The following SUSD4 variants were observed in gnomAD, a reference collection of about 807,000 sequenced individuals.
SUSD4 encodes sushi domain-containing protein 4.
SUSD4 carries 41 observed loss-of-function variants against 50.5 expected under a neutral mutation model. The ratio of observed to expected loss-of-function variants is 0.81; its 90% CI spans 0.63 to 1.05. The LOEUF (loss-of-function observed/expected upper bound fraction) is 1.05, where lower values mean the gene tolerates loss of function less well. SUSD4 is among the 50% of genes least tolerant of loss of function. The pLI is 0.00. For missense variants in SUSD4, 580 were observed against 634.7 expected (o/e 0.91, Z 0.93); for synonymous variants, 257 against 257.3 (o/e 1.00, Z 0.01).
At chr1:223,246,537 T>C (rs1571874841) in intron 5 of SUSD4, among the ~76,000 whole-genome samples, 1 of 141,944 alleles carries the variant, frequency 7.0e-6, no homozygotes, top group Non-Finnish European at 1.5e-5. Context: ...GGGTACAAGG[T>C]TGGTAATCCA....
chr1:223,264,345 C>T, intron 5 of SUSD4: 1 of 1,123,652 alleles, frequency 8.9e-7, no homozygotes. Context: ...TTTTTGAAGA[C>T]ATTTCATTTA....
At chr1:223,224,477 A>G (rs1207202702) in intron 7 of SUSD4, among the ~76,000 whole-genome samples, 1 of 152,192 alleles carries the variant, frequency 6.6e-6, no homozygotes, top group African/African-American at 2.4e-5. Context: ...GTCTAGATTT[A>G]AAAAAAGAAA....
At chr1:223,346,251 G>A (rs979624344) in intron 2 of SUSD4, among the ~76,000 whole-genome samples, 3 of 151,952 alleles carry the variant, frequency 2.0e-5, no homozygotes, top group East Asian at 1.9e-4. Flanking sequence ...AAACCCTAAC[G>A]TATGACTTAA....
chr1:223,351,248 T>C (rs1668349422), intron 2 of SUSD4, among the ~76,000 whole-genome samples: 1 of 152,232 alleles, frequency 6.6e-6, no homozygotes, highest in African/African-American at 2.4e-5. Flanking sequence ...TCTAGAATGA[T>C]ACAGCTGCAC....
At chr1:223,350,898 GGCC>G (rs966462047) in intron 2 of SUSD4, among the ~76,000 whole-genome samples, 34 of 152,130 alleles carry the variant, frequency 2.2e-4, no homozygotes, top group Non-Finnish European at 4.0e-4. Context: ...AGAACACACA[GGCC>G]ACAGTCAGGT....
chr1:223,363,171 C>T, intron 2 of SUSD4, 107 bp downstream of exon 2: 1 of 1,291,368 alleles, frequency 7.7e-7, no homozygotes, highest in Non-Finnish European at 1.0e-6. Flanking sequence ...TCAGATCCTC[C>T]TGAAGTCTGG....
chr1:223,230,578 C>A (rs1659828599), intron 5 of SUSD4: 1 of 152,016 alleles, frequency 6.6e-6, no homozygotes, highest in African/African-American at 2.4e-5. Context: ...GATGGCCCTC[C>A]CTGCAGAGCA....
chr1:223,304,525 T>A (rs1180427355), intron 2 of SUSD4, among the ~76,000 whole-genome samples: 1 of 151,940 alleles, frequency 6.6e-6, no homozygotes, highest in Non-Finnish European at 1.5e-5. Flanking sequence ...AGTATTGTTT[T>A]GTGTGGTTTT....
rs796289719 is a variant in SUSD4, at chr1:223,336,009, T to TA, written c.148+27268dup. ...ACTCCTGACAGAACAAAAAGTTGTT[T>TA]AAAAAAAAAAAAGAAAACGTCATTA... On this transcript the variant is annotated intron_variant, in intron 2 of 8. Transcript: ENST00000366878. Among the ~76,000 whole-genome samples the TA allele has an allele frequency of 4.9e-4, 71 of 144,962 alleles. No homozygotes were observed. The South Asian group carries it at 8.1e-3, about 17-fold the overall frequency.
At chr1:223,346,486 G>A (rs1323212982) in intron 2 of SUSD4, among the ~76,000 whole-genome samples, 5 of 152,042 alleles carry the variant, frequency 3.3e-5, no homozygotes, top group African/African-American at 7.2e-5. Flanking sequence ...ATCCATCCAC[G>A]GTGTTACATC....
chr1:223,318,539 T>A (rs1341058767), intron 2 of SUSD4, among the ~76,000 whole-genome samples: 1 of 127,554 alleles, frequency 7.8e-6, no homozygotes, highest in Admixed American at 8.7e-5. Context: ...GACTTTTTAA[T>A]GATTGCCATT....
chr1:223,325,237 C>A (rs1666804949), intron 2 of SUSD4, among the ~76,000 whole-genome samples: 1 of 152,086 alleles, frequency 6.6e-6, no homozygotes, highest in South Asian at 2.1e-4. Flanking sequence ...AAAATAACCC[C>A]AAGCAAATTA....
chr1:223,269,645 T>C (rs952296051), intron 3 of SUSD4, among the ~76,000 whole-genome samples: 1 of 152,210 alleles, frequency 6.6e-6, no homozygotes. Flanking sequence ...TATGCATACG[T>C]GTTTGTAAGC....
At chr1:223,233,042 C>T (rs764020598) in intron 5 of SUSD4, among the ~76,000 whole-genome samples, 1 of 152,180 alleles carries the variant, frequency 6.6e-6, no homozygotes, top group Non-Finnish European at 1.5e-5. Context: ...TGGGGCACTA[C>T]CAGGCTCCTT....
chr1:223,290,951 CAT>C (rs140636345), intron 3 of SUSD4, among the ~76,000 whole-genome samples: 37 of 148,886 alleles, frequency 2.5e-4, no homozygotes, highest in Admixed American at 8.0e-4. Flanking sequence ...AGTCTATATA[CAT>C]ATATATATAT....
intron 2 of SUSD4, among the ~76,000 whole-genome samples, chr1:223,351,974 A>T (rs1354478146): frequency 4.6e-5 from 7 of 152,018 alleles, no homozygotes; most frequent in African/African-American, 1.7e-4. Flanking sequence ...GGAAAACGCC[A>T]AGTATTAGAA....
chr1:223,249,066 G>A (rs970383348), intron 5 of SUSD4, among the ~76,000 whole-genome samples: 7 of 152,168 alleles, frequency 4.6e-5, no homozygotes, highest in South Asian at 4.1e-4. Context: ...GAGCCACAGT[G>A]GCTACACTGA....
intron 5 of SUSD4, 79 bp downstream of exon 5, chr1:223,264,551 C>A: frequency 6.4e-7 from 1 of 1,564,358 alleles, no homozygotes; most frequent in South Asian, 1.2e-5. Context: ...CATCATAATT[C>A]ACAGCTCTTC....
At chr1:223,349,962 A>T (rs1435526468) in intron 2 of SUSD4, among the ~76,000 whole-genome samples, 1 of 152,184 alleles carries the variant, frequency 6.6e-6, no homozygotes, top group Non-Finnish European at 1.5e-5. Context: ...ATGAAGTCAT[A>T]AGGTGGGGCC....
Sources: gnomAD v4.1 joint callset for allele counts (sites outside exome capture counted in the v4.1 genomes callset) on GRCh38, gnomAD v4.1.1 for gene constraint, MANE v1.5 for transcripts, NCBI Gene and HGNC (gene_info 2026-07-23, HGNC 2026-07-21) for gene names.